PAICS: variants seen among roughly 807,000 people sequenced by gnomAD.
The protein encoded by PAICS is bifunctional phosphoribosylaminoimidazole carboxylase/phosphoribosylaminoimidazole succinocarboxamide synthetase.
PAICS carries 33 observed loss-of-function variants against 53.7 expected under a neutral mutation model. That is an observed-to-expected ratio of 0.61 (90% CI 0.47 to 0.82). The LOEUF is 0.82. Ranked by LOEUF, PAICS falls within the 40% of genes least tolerant of loss-of-function variation. PAICS has a pLI of 0.00. For synonymous variants in PAICS, 141 were observed against 167.2 expected (o/e 0.84, Z 1.21); for missense variants, 394 against 494.1 (o/e 0.80, Z 1.92).
At chr4:56,437,782 C>T (rs1044429781) in intron 1 of PAICS, among the ~76,000 whole-genome samples, 2 of 136,044 alleles carry the variant, frequency 1.5e-5, no homozygotes, top group Non-Finnish European at 1.5e-5. Context: ...GATCGCGCCA[C>T]TGCACTCCAG....
At position 56,460,489 on chromosome 4, in the gene PAICS, C is replaced by T. The variant is rs760683331; in HGVS notation, c.*951C>T. On this transcript the variant is annotated 3_prime_UTR_variant, in exon 9 of 9. Transcript: ENST00000512576. ...TCCTGATCTAGACAGCCCCCATTCTCAATCCACCCTTTTCCAAGTTGATTG... is the reference window on the plus strand; with the variant it reads ...TCCTGATCTAGACAGCCCCCATTCTTAATCCACCCTTTTCCAAGTTGATTG... 6.6e-6 allele frequency: 1 copy of T among 152,240 alleles called. No homozygotes were observed. Among genetic ancestry groups the T allele is most frequent in the Non-Finnish European group, 1.5e-5 (1 of 68,064 alleles). 9.4% of individuals were successfully genotyped at this position (152,240 alleles called of 1,614,324 possible). A position where few individuals can be genotyped will look rare whatever the true frequency, so the allele number is the denominator to read the frequency against.
Position 56,448,418 on chromosome 4 carries a change from G to A in PAICS, c.394G>A (p.Asp132Asn). Residue 132 changes from aspartate to asparagine, a missense_variant and splice_region_variant, in exon 4 of 9, where the codon GAT becomes AAT. Coordinates refer to ENST00000512576, the MANE Select transcript of PAICS (RefSeq NM_001079524.2). Reference protein sequence around the residue: ...YPPKVELFFKDDANNDPQWSE... With the variant: ...YPPKVELFFKNDANNDPQWSE... ...TTGTACTACTATACTTTATTCACAG[G>A]ATGATGCCAATAATGACCCACAGTG... The A allele has an allele frequency of 6.4e-7, 1 of 1,572,876 alleles. No homozygotes were observed. Among genetic ancestry groups the A allele is most frequent in the African/African-American group, 1.4e-5 (1 of 73,522 alleles).
chr4:56,410,913 A>G, the PAICS span: 3 of 974,842 alleles, frequency 3.1e-6, no homozygotes, highest in African/African-American at 1.8e-5. Flanking sequence ...AAAAAAAAAA[A>G]AAAAAAAAAA....
At chr4:56,439,719 A>G (rs1718242107) in intron 1 of PAICS, among the ~76,000 whole-genome samples, 1 of 151,850 alleles carries the variant, frequency 6.6e-6, no homozygotes, top group Non-Finnish European at 1.5e-5. Flanking sequence ...AAATAGTGCA[A>G]ATCTTGGCCC....
rs1356063857 is a variant in PAICS, at chr4:56,459,795, C to T, written c.*257C>T. 6.0e-6 allele frequency: 2 copies of T among 330,658 alleles called. No homozygotes were observed. The highest frequency in any genetic ancestry group is 4.2e-5 in the African/African-American group (2 of 47,874). 20.5% of individuals were successfully genotyped at this position (330,658 alleles called of 1,614,324 possible). On this transcript the variant is annotated 3_prime_UTR_variant, in exon 9 of 9. Transcript: ENST00000512576. ...CTTTTTCCTTAAGTATTGGTGGTCA[C>T]TACTATTGAGTTTCTTCCTTAACAC...
At chr4:56,450,053 C>G (rs1388419295) in intron 5 of PAICS, among the ~76,000 whole-genome samples, 1 of 151,990 alleles carries the variant, frequency 6.6e-6, no homozygotes, top group African/African-American at 2.4e-5. Flanking sequence ...CCATCATCCT[C>G]AGCAAACTAA....
the PAICS span, chr4:56,422,399 A>G: frequency 1.3e-5 from 2 of 152,206 alleles, no homozygotes; most frequent in Admixed American, 1.3e-4. Context: ...TCAGTCAGTA[A>G]TAAGTCAGAA....
At chr4:56,442,768 C>A (rs1340326834) in intron 2 of PAICS, among the ~76,000 whole-genome samples, 1 of 152,178 alleles carries the variant, frequency 6.6e-6, no homozygotes, top group Non-Finnish European at 1.5e-5. Flanking sequence ...TAGCACTAAT[C>A]TTTCTTAAAT....
At chr4:56,453,181 G>A (rs1032003997) in intron 7 of PAICS, among the ~76,000 whole-genome samples, 2 of 152,080 alleles carry the variant, frequency 1.3e-5, no homozygotes, top group Non-Finnish European at 2.9e-5. Flanking sequence ...GTTTGAAGAC[G>A]TGTCCCTAAA....
intron 6 of PAICS, 82 bp downstream of exon 6, chr4:56,450,784 G>A: frequency 1.4e-6 from 1 of 735,638 alleles, no homozygotes; most frequent in East Asian, 2.7e-5. Context: ...AAAAATGGGA[G>A]AGTATAGTGC....
chr4:56,459,893 A>ATTTT lies in PAICS; in HGVS notation c.*369_*372dup, dbSNP rs878904282. 5.7e-5 allele frequency: 8 copies of ATTTT among 140,254 alleles called. No homozygotes were observed. Among genetic ancestry groups the ATTTT allele is most frequent in the South Asian group, 4.2e-4 (2 of 4,788 alleles). The allele number at this position is 140,254 out of a possible 1,614,324, so 8.7% of individuals were successfully genotyped here. A position where few individuals can be genotyped will look rare whatever the true frequency, so the allele number is the denominator to read the frequency against. ...CCCAGCTATATTTCTCCAGACTTGCATTTTTTTTTTTTTTTTTGAGACAGG... is the reference window on the plus strand; with the variant it reads ...CCCAGCTATATTTCTCCAGACTTGCATTTTTTTTTTTTTTTTTTTTTGAGACAGG... On this transcript the variant is annotated 3_prime_UTR_variant, in exon 9 of 9. Coordinates refer to ENST00000512576, the MANE Select transcript of PAICS (RefSeq NM_001079524.2).
Position 56,446,512 on chromosome 4 carries a change from CAT to C in PAICS, c.215-182_215-181del. ...CTGAACAATACATTGTATGTATAGT[CAT>C]GTGCTGCTTACTGTTTGAGTCAACA... On this transcript the variant is annotated intron_variant, in intron 2 of 8. Coordinates refer to ENST00000512576, the MANE Select transcript of PAICS (RefSeq NM_001079524.2). 4.6e-6 allele frequency: 3 copies of C among 651,488 alleles called. No homozygotes were observed. The South Asian group carries it at 5.4e-5, about 12-fold the overall frequency. The allele number at this position is 651,488 out of a possible 1,614,324, so 40.4% of individuals were successfully genotyped here.
At chr4:56,419,868 C>T in the PAICS span, 2 of 984,462 alleles carry the variant, frequency 2.0e-6, no homozygotes, top group African/African-American at 3.5e-5. Context: ...AAACCTAAAA[C>T]ACGAATACAA....
intron 1 of PAICS, among the ~76,000 whole-genome samples, chr4:56,438,403 A>ATATAT (rs71194108): frequency 1.1e-4 from 13 of 114,420 alleles, no homozygotes; most frequent in Middle Eastern, 4.3e-3. Flanking sequence ...ATATATATAT[A>ATATAT]AAAGGTTTTT....
In PAICS at chr4:56,452,010, A is replaced by G. The variant is rs941080985; in HGVS notation, c.910A>G (p.Lys304Glu). 4 of 1,609,026 alleles carry G rather than the reference A, an allele frequency of 2.5e-6. No homozygotes were observed. Among genetic ancestry groups the G allele is most frequent in the Non-Finnish European group, 3.4e-6 (4 of 1,177,368 alleles). ...PCELRVTSAH[K>E]GPDETLRIKA... ...TGAACTTCGAGTAACATCTGCGCATAAAGGACCAGATGAAACTCTGAGGAT... is the reference window on the plus strand; with the variant it reads ...TGAACTTCGAGTAACATCTGCGCATGAAGGACCAGATGAAACTCTGAGGAT... The change falls in exon 7 of 9, where the codon AAA becomes GAA. Residue 304 changes from lysine to glutamate, a missense_variant. Physicochemically the swap from Lys to Glu is moderately conservative, Grantham distance 56 (BLOSUM62 1). Around this residue, in one of 3 missense-constraint regions of PAICS, gnomAD observed 131 missense variants for 205.5 expected, o/e 0.64. Transcript: ENST00000512576.
the PAICS span, chr4:56,410,901 A>C: frequency 2.3e-4 from 2 of 8,648 alleles, no homozygotes; most frequent in Non-Finnish European, 3.6e-4. Context: ...ACTGAAGGTA[A>C]AAAAAAAAAA....
Position 56,453,631 on chromosome 4 carries a change from A to T in PAICS, c.981A>T (p.Ala327=), listed in dbSNP as rs764179393. The change falls in exon 8 of 9, where the codon GCA becomes GCT. Residue 327 remains alanine (A), a synonymous_variant. Coordinates refer to ENST00000512576, the MANE Select transcript of PAICS (RefSeq NM_001079524.2). The part of the protein sequence containing the change: ...EGDGIPTVFV[A]VAGRSNGLGP... ...ATGGCATTCCTACTGTATTTGTGGC[A>T]GTGGCAGGCAGAAGTAATGGTTTGG... The T allele has an allele frequency of 6.3e-6, 10 of 1,591,528 alleles. No homozygotes were observed. The highest frequency in any genetic ancestry group is 8.6e-6 in the Non-Finnish European group (10 of 1,168,244).
the PAICS span, chr4:56,419,620 C>G: frequency 4.2e-6 from 4 of 962,616 alleles, no homozygotes; most frequent in South Asian, 1.4e-4. Context: ...GCAGGTATCT[C>G]TACGTCAGTA....
upstream of PAICS, chr4:56,435,822 C>T: frequency 1.1e-5 from 16 of 1,508,382 alleles, no homozygotes; most frequent in Non-Finnish European, 1.4e-5. Context: ...TTTCCAGCAC[C>T]CAACAGTAGC....
Sources: gnomAD v4.1 joint callset for allele counts (sites outside exome capture counted in the v4.1 genomes callset) on GRCh38, gnomAD v4.1.1 for gene constraint, gnomAD v4.1.1 regional missense constraint, MANE v1.5 for transcripts, NCBI Gene and HGNC (gene_info 2026-07-23, HGNC 2026-07-21) for gene names.